The following VPS13D variants were observed in gnomAD, a reference collection of about 807,000 sequenced individuals.
VPS13D encodes intermembrane lipid transfer protein VPS13D.
In VPS13D, 187 loss-of-function variants were observed where a neutral mutation model predicts 461.9. The observed-to-expected ratio is 0.40, with a 90% CI of 0.36 to 0.46. The LOEUF (loss-of-function observed/expected upper bound fraction) is 0.46. Ranked by LOEUF, VPS13D falls within the 20% of genes least tolerant of loss-of-function variation. The probability of loss-of-function intolerance (pLI) is 0.60; values close to 1 mark genes in which losing one functional copy is unlikely to be tolerated. For missense variants in VPS13D, 4,711 were observed against 5,364.9 expected (o/e 0.88, Z 3.81); for synonymous variants, 1,951 against 1,986.3 (o/e 0.98, Z 0.47).
intron 65 of VPS13D, among the ~76,000 whole-genome samples, chr1:12,429,868 A>G (rs531882290): frequency 6.6e-6 from 1 of 152,324 alleles, no homozygotes; most frequent in South Asian, 2.1e-4. Context: ...GGTTTAGAGG[A>G]AGGAGAAGAA....
chr1:12,311,642 G>A lies in VPS13D; in HGVS notation c.6822+17G>A, dbSNP rs1424181105. 3 of 1,613,164 alleles carry A rather than the reference G, an allele frequency of 1.9e-6. No homozygotes were observed. Among genetic ancestry groups the A allele is most frequent in the Non-Finnish European group, 8.5e-7 (1 of 1,179,558 alleles). ...AGAATTCATGTGAGTGAGACCTTAT[G>A]TTCTTCTGTCACTCTCATAGTCTCA... On this transcript the variant is annotated intron_variant, in intron 28 of 69. Coordinates refer to ENST00000620676, the MANE Select transcript of VPS13D (RefSeq NM_015378.4).
At chr1:12,285,296 A>ATTTATT (rs1034828623) in intron 21 of VPS13D, among the ~76,000 whole-genome samples, 10 of 133,686 alleles carry the variant, frequency 7.5e-5, no homozygotes, top group African/African-American at 2.8e-4. Flanking sequence ...TTATTTATTT[A>ATTTATT]TTTTTTTTTT....
chr1:12,319,436 A>G (rs1445380185), intron 31 of VPS13D, 61 bp from the exon 32 acceptor site: 1 of 1,601,384 alleles, frequency 6.2e-7, no homozygotes, highest in Non-Finnish European at 8.5e-7. Flanking sequence ...CCTTGTTTGC[A>G]ACAGCCTGGT....
rs770459634 is a variant in VPS13D, at chr1:12,244,566, T to C, written c.396T>C (p.Tyr132=). 1.9e-6 allele frequency: 3 copies of C among 1,614,250 alleles called. No individual in the cohort carries two copies. Among genetic ancestry groups the C allele is most frequent in the South Asian group, 2.2e-5 (2 of 91,086 alleles). ...ACCGCCAGCAGAAAGGGGAGTCCTATTGGTATTCAGTTACCGCCTCCGTAG... is the reference window on the plus strand; with the variant it reads ...ACCGCCAGCAGAAAGGGGAGTCCTACTGGTATTCAGTTACCGCCTCCGTAG... ...KNDRQQKGES[Y]WYSVTASVVT... The change falls in exon 5 of 70, where the codon TAT becomes TAC. Residue 132 remains tyrosine (Y), a synonymous_variant. Transcript: ENST00000620676.
chr1:12,285,443 G>A (rs902933924), intron 21 of VPS13D, among the ~76,000 whole-genome samples: 2 of 151,318 alleles, frequency 1.3e-5, no homozygotes. Context: ...GGTGCGCGCC[G>A]CCATGCCCAT....
rs1362246523 is a variant in VPS13D at position 12,276,663 on chromosome 1, C to T, written c.3075C>T (p.Asn1025=). ...DFDLLMASHK[N]LSFDIPTGSL... is the part of the protein sequence containing the mutation. Reference sequence around the variant, plus strand: ...ACCTTTTGATGGCTTCACATAAGAACTTGAGCTTTGATATTCCAACGGGAA... The same window carrying T: ...ACCTTTTGATGGCTTCACATAAGAATTTGAGCTTTGATATTCCAACGGGAA... The change falls in exon 19 of 70, where the codon AAC becomes AAT. Residue 1025 remains asparagine, a synonymous_variant. Transcript: ENST00000620676. The surrounding 1 kb of genome is among the most constrained non-coding windows in gnomAD (Gnocchi z 4.5). 6.2e-7 allele frequency: 1 copy of T among 1,614,150 alleles called. No individual in the cohort carries two copies.
rs1003428239 is a variant in VPS13D, at chr1:12,495,962, G to A, written c.12663-1538G>A. Among the ~76,000 whole-genome samples the A allele has an allele frequency of 5.3e-5, 8 of 152,172 alleles. No individual in the cohort carries two copies. The highest frequency in any genetic ancestry group is 1.0e-4 in the Non-Finnish European group (7 of 68,022). Reference sequence around the variant, plus strand: ...TACCAGCATCCTCTCGGCAGCAGTCGTCCAGCTTCTCTCCTGATGGGTTAG... The same window carrying A: ...TACCAGCATCCTCTCGGCAGCAGTCATCCAGCTTCTCTCCTGATGGGTTAG... On this transcript the variant is annotated intron_variant, in intron 67 of 69. Transcript: ENST00000620676. The surrounding 1 kb of genome is among the most constrained non-coding windows in gnomAD (Gnocchi z 4.0).
At chr1:12,244,736 G>A (rs1489024476) in intron 5 of VPS13D, 119 bp downstream of exon 5, 2 of 923,174 alleles carry the variant, frequency 2.2e-6, no homozygotes, top group South Asian at 1.6e-5. Flanking sequence ...GTGTAGATGG[G>A]GCTGGCTGCT....
chr1:12,299,758 C>T lies in VPS13D; in HGVS notation c.6216+374C>T, dbSNP rs1569846867. ...ATGCTTTCTTTATATAAAAGCATTC[C>T]TTCTATAATATAAACGTTTTAGACT... On this transcript the variant is annotated intron_variant, in intron 25 of 69. Transcript: ENST00000620676. The surrounding 1 kb of genome is among the most constrained non-coding windows in gnomAD (Gnocchi z 4.2). Among the ~76,000 whole-genome samples the T allele has an allele frequency of 2.6e-5, 4 of 151,942 alleles. No homozygotes were observed. In the Middle Eastern group the frequency reaches 0.01, roughly 388 times the overall value.
chr1:12,472,083 C>A (rs1283479182), intron 67 of VPS13D, among the ~76,000 whole-genome samples: 2 of 152,146 alleles, frequency 1.3e-5, no homozygotes, highest in African/African-American at 4.8e-5. Context: ...TGTCTCTAAG[C>A]TATTTTTCTA....
In VPS13D at chr1:12,311,548, G is replaced by A. The variant is rs149958722; in HGVS notation, c.6745G>A (p.Gly2249Ser). The A allele has an allele frequency of 1.1e-5, 17 of 1,613,958 alleles. No individual in the cohort carries two copies. The highest frequency in any genetic ancestry group is 2.2e-5 in the East Asian group (1 of 44,892). Residue 2249 changes from glycine (G) to serine (S), a missense_variant, in exon 28 of 70, where the codon GGC becomes AGC. By Grantham distance (56) the Gly-to-Ser change is moderately conservative. Coordinates refer to ENST00000620676, the MANE Select transcript of VPS13D (RefSeq NM_015378.4). ...LDLYKYKLIR[G>S]LLENNLGEPI... ...TCTGTATAAATACAAGCTGATCCGC[G>A]GCTTATTAGAGAACAACCTGGGAGA... is the stretch of plus-strand genomic sequence containing the variant.
chr1:12,421,916 G>T (rs909338884), intron 65 of VPS13D, among the ~76,000 whole-genome samples: 2 of 152,084 alleles, frequency 1.3e-5, no homozygotes, highest in African/African-American at 4.8e-5. Flanking sequence ...TGCCCTCCTG[G>T]GTTCAAGCGA....
intron 15 of VPS13D, among the ~76,000 whole-genome samples, chr1:12,268,124 A>G (rs1240664827): frequency 6.6e-6 from 1 of 151,002 alleles, no homozygotes; most frequent in Admixed American, 6.6e-5. Flanking sequence ...TAATTTTAGT[A>G]TATTTAGTAG....
At position 12,262,024 on chromosome 1, in the gene VPS13D, A is replaced by C. The variant is rs140107975; in HGVS notation, c.1538A>C (p.Lys513Thr). Residue 513 changes from lysine (K) to threonine (T), a missense_variant, in exon 13 of 70, where the codon AAG (lysine) becomes ACG (threonine). Lys to Thr is a moderately conservative substitution (Grantham distance 78). Around this residue, in one of 3 missense-constraint regions of VPS13D, gnomAD observed 4,411 missense variants for 4,937.8 expected, o/e 0.89. Coordinates refer to ENST00000620676, the MANE Select transcript of VPS13D (RefSeq NM_015378.4). Reference protein sequence around the residue: ...LQRGTVTLLHKEQGTPQMNES... With the variant: ...LQRGTVTLLHTEQGTPQMNES... ...CGAGGTACAGTGACTCTGTTACACA[A>C]GGAGCAAGGAACTCCTCAAATGAAT... 5 of 1,614,140 alleles carry C rather than the reference A, an allele frequency of 3.1e-6. No homozygotes were observed. Among genetic ancestry groups the C allele is most frequent in the Non-Finnish European group, 4.2e-6 (5 of 1,180,000 alleles).
At position 12,291,108 on chromosome 1, in the gene VPS13D, A is replaced by G. The variant is rs775903755; in HGVS notation, c.5836A>G (p.Ile1946Val). Reference sequence around the variant, plus strand: ...CACTACCAGTGGTGAAGAAGCACTCATCTTCCAGACTTTTAAGTAAAAATG... The same window carrying G: ...CACTACCAGTGGTGAAGAAGCACTCGTCTTCCAGACTTTTAAGTAAAAATG... ...RFTTSGEEALIFQTFKYGRPD... is the reference protein window; with the variant it reads ...RFTTSGEEALVFQTFKYGRPD... The change falls in exon 23 of 70, where the codon ATC becomes GTC. Residue 1946 changes from isoleucine (I) to valine (V), a missense_variant. Physicochemically the swap from Ile to Val is conservative, Grantham distance 29. Coordinates refer to ENST00000620676, the MANE Select transcript of VPS13D (RefSeq NM_015378.4). The G allele has an allele frequency of 1.1e-5, 17 of 1,612,416 alleles. No homozygotes were observed. The Admixed American group carries it at 2.9e-4, about 27-fold the overall frequency.
intron 26 of VPS13D, among the ~76,000 whole-genome samples, chr1:12,305,397 C>T (rs1178647246): frequency 6.6e-6 from 1 of 152,152 alleles, no homozygotes; most frequent in Non-Finnish European, 1.5e-5. Flanking sequence ...ACCTCAGCCT[C>T]CTGAGTAGCT....
intron 61 of VPS13D, 101 bp downstream of exon 61, chr1:12,400,431 A>G (rs538971890): frequency 7.1e-7 from 1 of 1,416,806 alleles, no homozygotes; most frequent in South Asian, 1.3e-5. Context: ...TGCTGATGGG[A>G]ATAGCTCTGC....
intron 40 of VPS13D, 145 bp from the exon 41 acceptor site, chr1:12,341,635 T>C (rs939931332): frequency 6.4e-6 from 4 of 625,988 alleles, no homozygotes; most frequent in African/African-American, 1.8e-5. Context: ...ACGTGGAGCT[T>C]CCATTTGTCC....
At position 12,356,523 on chromosome 1, in the gene VPS13D, C is replaced by G; in HGVS notation, c.9997C>G (p.Leu3333Val). Residue 3333 changes from leucine (L) to valine (V), a missense_variant and splice_region_variant, in exon 49 of 70, where the codon CTC becomes GTC. Physicochemically the swap from Leu to Val is conservative, Grantham distance 32. Coordinates refer to ENST00000620676, the MANE Select transcript of VPS13D (RefSeq NM_015378.4). ...FCYADKEQPNLCTMRIGRGIH... is the reference protein window; with the variant it reads ...FCYADKEQPNVCTMRIGRGIH... ...CTATGCTGACAAAGAGCAGCCAAAC[C>G]TGTGAGTACAGTTATTTATGGGAAG... The G allele has an allele frequency of 6.2e-7, 1 of 1,612,800 alleles. No individual in the cohort carries two copies. Among genetic ancestry groups the G allele is most frequent in the Non-Finnish European group, 8.5e-7 (1 of 1,179,592 alleles).
Sources: allele counts gnomAD v4.1 joint callset (sites outside exome capture counted in the v4.1 genomes callset), GRCh38; gene constraint gnomAD v4.1.1; regional missense constraint gnomAD v4.1.1; non-coding constraint Gnocchi (gnomAD v3.1); transcripts MANE v1.5; gene names NCBI Gene and HGNC (gene_info 2026-07-23, HGNC 2026-07-21).